The following ITGB3 variants were observed in gnomAD, a reference collection of about 807,000 sequenced individuals.
The protein encoded by ITGB3 is integrin subunit beta 3, also known as integrin beta-3.
A neutral mutation model predicts 85.8 loss-of-function variants in ITGB3; 48 were observed. The ratio of observed to expected loss-of-function variants is 0.56; its 90% CI spans 0.44 to 0.71. The LOEUF is 0.71. Among genes scored for constraint, ITGB3 ranks in the 30% least tolerant of loss-of-function variants. The probability of loss-of-function intolerance (pLI) is 0.00; values close to 1 mark genes in which losing one functional copy is unlikely to be tolerated. For missense variants in ITGB3, 861 were observed against 1,019.1 expected, an observed-to-expected ratio of 0.84 and a Z score of 2.11; for synonymous variants, 363 against 395.6, an observed-to-expected ratio of 0.92 and a Z score of 0.98.
intron 12 of ITGB3, among the ~76,000 whole-genome samples, chr17:47,301,274 G>A (rs956734045): frequency 6.6e-6 from 1 of 152,188 alleles, no homozygotes; most frequent in South Asian, 2.1e-4. Flanking sequence ...CATTGAGATG[G>A]TACTCTAGTA....
chr17:47,310,030 A>T (rs915470919), intron 14 of ITGB3, 109 bp from the exon 15 acceptor site: 2 of 864,834 alleles, frequency 2.3e-6, no homozygotes, highest in Non-Finnish European at 3.9e-6. Context: ...TTGATGATGT[A>T]TTCCAGAGAA....
chr17:47,265,343 G>T (rs923717798), intron 1 of ITGB3, among the ~76,000 whole-genome samples: 2 of 152,158 alleles, frequency 1.3e-5, no homozygotes, highest in African/African-American at 4.8e-5. Context: ...TAAAACAACA[G>T]AAATTTATTC....
At chr17:47,284,887 A>G (rs898575257) in intron 4 of ITGB3, among the ~76,000 whole-genome samples, 192 bp downstream of exon 4, 48 of 152,188 alleles carry the variant, frequency 3.2e-4, no homozygotes, top group African/African-American at 1.1e-3. Context: ...AATGGAGCCT[A>G]AGGCTGTTTG....
intron 1 of ITGB3, among the ~76,000 whole-genome samples, chr17:47,254,156 C>T (rs764550452): frequency 5.5e-4 from 84 of 152,232 alleles, no homozygotes; most frequent in Non-Finnish European, 1.0e-3. Flanking sequence ...GGGAGCGGGT[C>T]CTCCGAGACG....
At chr17:47,283,887 G>A (rs139278347) in intron 3 of ITGB3, among the ~76,000 whole-genome samples, 1 of 152,290 alleles carries the variant, frequency 6.6e-6, no homozygotes, top group East Asian at 1.9e-4. Context: ...GTGTTGAGGT[G>A]CAAATGAGAT....
At chr17:47,255,674 C>A (rs2064986783) in intron 1 of ITGB3, among the ~76,000 whole-genome samples, 1 of 152,168 alleles carries the variant, frequency 6.6e-6, no homozygotes, top group African/African-American at 2.4e-5. Flanking sequence ...CCTGCCTTGG[C>A]CTCCCAAAGT....
At chr17:47,274,675 A>T (rs541153481) in intron 2 of ITGB3, among the ~76,000 whole-genome samples, 171 bp downstream of exon 2, 191 of 152,222 alleles carry the variant, frequency 1.3e-3, no homozygotes, top group African/African-American at 4.3e-3. Flanking sequence ...TGTCATGGGG[A>T]TGTTGCTGGG....
At chr17:47,293,581 CT>C (rs1032346509) in intron 10 of ITGB3, among the ~76,000 whole-genome samples, 1 of 151,566 alleles carries the variant, frequency 6.6e-6, no homozygotes, top group African/African-American at 2.4e-5. Flanking sequence ...GGGGATGACC[CT>C]TGACTCAGAT....
In ITGB3 at chr17:47,289,790, C is replaced by G. The variant is rs374851790; in HGVS notation, c.1035+14C>G. On this transcript the variant is annotated intron_variant, in intron 7 of 14. Transcript: ENST00000559488. Reference sequence around the variant, plus strand: ...AATCTCTATCAGGTGACTGTGCCTTCGGGCTTCCTGGAGTGGGCCCTGTGA... The same window carrying G: ...AATCTCTATCAGGTGACTGTGCCTTGGGGCTTCCTGGAGTGGGCCCTGTGA... 2.5e-6 allele frequency: 4 copies of G among 1,600,282 alleles called. No homozygotes were observed. In the Admixed American group the frequency reaches 5.0e-5, roughly 20 times the overall value.
In ITGB3 at chr17:47,300,044, T is replaced by G. The variant is rs113107841; in HGVS notation, c.1914-434T>G. On this transcript the variant is annotated intron_variant, in intron 11 of 14. Coordinates refer to ENST00000559488, the MANE Select transcript of ITGB3 (RefSeq NM_000212.3). ...GGGCCCTGTGCCTACAAGGGCCTCA[T>G]GCTTGTTTTAATGCTCTGCCATCAC... 1.5e-3 allele frequency among the ~76,000 whole-genome samples: 235 copies of G among 152,328 alleles called. 1 individual carries two copies. The highest frequency in any genetic ancestry group is 3.1e-3 in the Non-Finnish European group (212 of 68,028).
rs2065131271 is a variant in ITGB3, at chr17:47,292,536, C to T, written c.1658C>T (p.Ser553Phe). 3.7e-6 allele frequency: 6 copies of T among 1,602,320 alleles called. No homozygotes were observed. Among genetic ancestry groups the T allele is most frequent in the Non-Finnish European group, 5.1e-6 (6 of 1,179,906 alleles). ...TGKYCECDDFSCVRYKGEMCS... is the reference protein window; with the variant it reads ...TGKYCECDDFFCVRYKGEMCS... Reference sequence around the variant, plus strand: ...AAGTACTGCGAGTGTGACGACTTCTCCTGTGTCCGCTACAAGGGGGAGATG... The same window carrying T: ...AAGTACTGCGAGTGTGACGACTTCTTCTGTGTCCGCTACAAGGGGGAGATG... The change falls in exon 10 of 15, where the codon TCC becomes TTC. Residue 553 changes from serine (S) to phenylalanine (F), a missense_variant. Coordinates refer to ENST00000559488, the MANE Select transcript of ITGB3 (RefSeq NM_000212.3).
intron 2 of ITGB3, among the ~76,000 whole-genome samples, chr17:47,281,219 A>G (rs2065082747): frequency 6.6e-6 from 1 of 152,160 alleles, no homozygotes; most frequent in African/African-American, 2.4e-5. Context: ...GGTGTGGGTT[A>G]TCCAGCAGAC....
chr17:47,313,170 C>T lies in ITGB3; in HGVS notation c.*2966C>T, dbSNP rs1052320934. On this transcript the variant is annotated 3_prime_UTR_variant, in exon 15 of 15. Transcript: ENST00000559488. ...TGTATTTTTAGTAGAGACGGGGTTTCACCATGTTGGCCAGGCTGGTCTCGA... is the reference window on the plus strand; with the variant it reads ...TGTATTTTTAGTAGAGACGGGGTTTTACCATGTTGGCCAGGCTGGTCTCGA... 2.0e-5 allele frequency among the ~76,000 whole-genome samples: 3 copies of T among 150,530 alleles called. No individual in the cohort carries two copies. Among genetic ancestry groups the T allele is most frequent in the Non-Finnish European group, 4.4e-5 (3 of 67,576 alleles).
chr17:47,306,478 A>G (rs1368853591), intron 13 of ITGB3, among the ~76,000 whole-genome samples: 1 of 152,136 alleles, frequency 6.6e-6, no homozygotes, highest in East Asian at 1.9e-4. Context: ...GAGCCTCACT[A>G]TGTTGCCCAG....
At chr17:47,293,630 G>C (rs2065135511) in intron 10 of ITGB3, among the ~76,000 whole-genome samples, 1 of 150,558 alleles carries the variant, frequency 6.6e-6, no homozygotes, top group African/African-American at 2.4e-5. Context: ...TTTTTTTTGA[G>C]ACGGAGTCTT....
intron 13 of ITGB3, 84 bp downstream of exon 13, chr17:47,302,924 C>A: frequency 6.5e-7 from 1 of 1,528,422 alleles, no homozygotes; most frequent in Non-Finnish European, 9.0e-7. Flanking sequence ...CTCATCGAAG[C>A]TGTTAAGCAA....
At position 47,290,217 on chromosome 17, in the gene ITGB3, T is replaced by TG. The variant is rs1567766007; in HGVS notation, c.1072dup (p.Val358GlyfsTer15). The TG allele has an allele frequency of 6.2e-7, 1 of 1,614,126 alleles. No individual in the cohort carries two copies. The highest frequency in any genetic ancestry group is 1.7e-5 in the Admixed American group (1 of 60,026). ...GTGAGCTCATCCCAGGGACCACAGT[T>TG]GGGGTTCTGTCCATGGATTCCAGCA... On this transcript the variant is annotated frameshift_variant, in exon 8 of 15. Coordinates refer to ENST00000559488, the MANE Select transcript of ITGB3 (RefSeq NM_000212.3). LOFTEE classifies it high-confidence loss of function.
intron 1 of ITGB3, among the ~76,000 whole-genome samples, chr17:47,271,838 TG>T (rs2065045050): frequency 6.6e-6 from 1 of 152,086 alleles, no homozygotes; most frequent in Non-Finnish European, 1.5e-5. Flanking sequence ...CTCTGCCTCC[TG>T]GGTTTAAGTG....
intron 4 of ITGB3, among the ~76,000 whole-genome samples, chr17:47,285,443 T>C (rs1194949190): frequency 6.6e-6 from 1 of 152,074 alleles, no homozygotes; most frequent in Non-Finnish European, 1.5e-5. Flanking sequence ...GAGACCCCCA[T>C]CTCTACAAAA....
Sources: gnomAD v4.1 joint callset for allele counts (sites outside exome capture counted in the v4.1 genomes callset) on GRCh38, gnomAD v4.1.1 for gene constraint, MANE v1.5 for transcripts, NCBI Gene and HGNC (gene_info 2026-07-23, HGNC 2026-07-21) for gene names.